The following METTL15 variants were observed in gnomAD, a reference collection of about 807,000 sequenced individuals.
METTL15 encodes 12S rRNA N(4)-cytidine methyltransferase METTL15.
A neutral mutation model predicts 38.3 loss-of-function variants in METTL15; 34 were observed. That is an observed-to-expected ratio of 0.89 (90% confidence interval 0.68 to 1.18). The LOEUF (loss-of-function observed/expected upper bound fraction) is 1.18, where lower values mean the gene tolerates loss of function less well. METTL15 is among the 50% of genes most tolerant of loss of function. The pLI, the probability that METTL15 is intolerant of heterozygous loss-of-function variation, is 0.00. For synonymous variants in METTL15, 162 were observed against 170.9 expected (o/e 0.95, Z 0.41); for missense variants, 438 against 498.4 (o/e 0.88, Z 1.15).
In METTL15 at chr11:28,384,423, T is replaced by C. The variant is rs537769201; in HGVS notation, c.*358+22387T>C. On this transcript the variant is annotated intron_variant and NMD_transcript_variant, in intron 5 of 7. Transcript: ENST00000532947. ...TCCCAGGTTCAAGCGATTCTCATGC[T>C]TCAGCCTCCCAAGTAGCTGGGATTA... 5.9e-5 allele frequency among the ~76,000 whole-genome samples: 9 copies of C among 151,992 alleles called. No individual in the cohort carries two copies. In the East Asian group the frequency reaches 1.4e-3, roughly 23 times the overall value.
chr11:28,254,122 T>C (rs1854869482), intron 4 of METTL15, among the ~76,000 whole-genome samples: 1 of 152,214 alleles, frequency 6.6e-6, no homozygotes, highest in South Asian at 2.1e-4. Flanking sequence ...TTCCCTTTTC[T>C]CTACATTCTA....
At chr11:28,392,460 A>G (rs1850519824) in intron 5 of METTL15, among the ~76,000 whole-genome samples, 1 of 152,108 alleles carries the variant, frequency 6.6e-6, no homozygotes, top group Non-Finnish European at 1.5e-5. Flanking sequence ...ATCTTAAACA[A>G]GGGTGCCAAG....
At position 28,385,321 on chromosome 11, in the gene METTL15, A is replaced by G. The variant is rs1231328639; in HGVS notation, c.*358+23285A>G. Among the ~76,000 whole-genome samples the G allele has an allele frequency of 3.9e-5, 6 of 152,230 alleles. No individual in the cohort carries two copies. The East Asian group carries it at 9.6e-4, about 24-fold the overall frequency. On this transcript the variant is annotated intron_variant and NMD_transcript_variant, in intron 5 of 7. Transcript: ENST00000532947. Reference sequence around the variant, plus strand: ...ATGCATCTTGAGTTGGTTTTTGTATATGGTGTAAGAAGGGATCCAGTTTCA... The same window carrying G: ...ATGCATCTTGAGTTGGTTTTTGTATGTGGTGTAAGAAGGGATCCAGTTTCA...
chr11:28,531,050 C>A (rs1052671620), downstream of METTL15, among the ~76,000 whole-genome samples: 2 of 151,874 alleles, frequency 1.3e-5, no homozygotes, highest in South Asian at 4.2e-4. Flanking sequence ...AAATTCACAA[C>A]TGAAATTGCT....
intron 6 of METTL15, among the ~76,000 whole-genome samples, chr11:28,524,344 C>T (rs1357783114): frequency 6.6e-6 from 1 of 152,174 alleles, no homozygotes; most frequent in Non-Finnish European, 1.5e-5. Flanking sequence ...TCTATGACTT[C>T]ACTGGTCTCA....
chr11:28,362,975 T>C (rs1295930968), intron 5 of METTL15, among the ~76,000 whole-genome samples: 2 of 152,176 alleles, frequency 1.3e-5, no homozygotes, highest in East Asian at 1.9e-4. Flanking sequence ...TTCTCACCAA[T>C]GTAGTATAAA....
chr11:28,112,175 G>A (rs1429533842), intron 2 of METTL15, among the ~76,000 whole-genome samples: 1 of 152,056 alleles, frequency 6.6e-6, no homozygotes, highest in Non-Finnish European at 1.5e-5. Context: ...TGGGATTTAT[G>A]CTTCTTGTAG....
chr11:28,161,546 A>G (rs562358020), intron 3 of METTL15, among the ~76,000 whole-genome samples: 1 of 152,310 alleles, frequency 6.6e-6, no homozygotes, highest in Non-Finnish European at 1.5e-5. Context: ...ATTTAAGCAA[A>G]AGGGAAATAA....
chr11:28,347,498 C>G (rs1850005999), intron 3 of METTL15, among the ~76,000 whole-genome samples: 1 of 152,304 alleles, frequency 6.6e-6, no homozygotes, highest in Middle Eastern at 3.4e-3. Flanking sequence ...CTAATAAACT[C>G]CTTCTGTATT....
intron 6 of METTL15, among the ~76,000 whole-genome samples, chr11:28,462,687 G>A (rs1851226173): frequency 6.6e-6 from 1 of 151,918 alleles, no homozygotes; most frequent in Non-Finnish European, 1.5e-5. Context: ...AAGACCAGTG[G>A]GATAGCATCT....
chr11:28,488,241 G>A lies in METTL15; in HGVS notation c.*425-38237G>A, dbSNP rs563489345. Among the ~76,000 whole-genome samples, 3 of 152,058 alleles carry A rather than the reference G, an allele frequency of 2.0e-5. No individual in the cohort carries two copies. In the East Asian group the frequency reaches 5.8e-4, roughly 29 times the overall value. On this transcript the variant is annotated intron_variant and NMD_transcript_variant, in intron 6 of 7. Transcript: ENST00000532947. ...CTCTATTTTAAAATTTTGGCTTTGA[G>A]AATAGAAGTTTAAAATTAAGCACAC...
At chr11:28,117,779 A>C (rs1185210252) in intron 3 of METTL15, among the ~76,000 whole-genome samples, 1 of 152,124 alleles carries the variant, frequency 6.6e-6, no homozygotes, top group East Asian at 1.9e-4. Flanking sequence ...CTATTCCCTT[A>C]ATCTTCAAGT....
intron 4 of METTL15, among the ~76,000 whole-genome samples, chr11:28,212,925 A>G (rs1281879821): frequency 6.6e-6 from 1 of 152,180 alleles, no homozygotes; most frequent in Non-Finnish European, 1.5e-5. Context: ...TCTCAAATGT[A>G]GCTTAAAGTT....
chr11:28,119,990 C>T (rs1235672623), intron 3 of METTL15, among the ~76,000 whole-genome samples: 1 of 152,100 alleles, frequency 6.6e-6, no homozygotes, highest in South Asian at 2.1e-4. Flanking sequence ...CTCACTCTGT[C>T]GCCCAGGCTG....
chr11:28,380,937 C>T (rs1850376844), intron 5 of METTL15, among the ~76,000 whole-genome samples: 1 of 151,706 alleles, frequency 6.6e-6, no homozygotes, highest in Admixed American at 6.6e-5. Context: ...AAATTGGATT[C>T]CATCATATCT....
intron 5 of METTL15, among the ~76,000 whole-genome samples, chr11:28,423,005 A>G (rs545079005): frequency 1.3e-5 from 2 of 152,188 alleles, no homozygotes; most frequent in South Asian, 2.1e-4. Flanking sequence ...TATAGGGGAA[A>G]AAAAACAATA....
intron 5 of METTL15, among the ~76,000 whole-genome samples, chr11:28,421,232 G>A (rs1347707632): frequency 3.3e-5 from 5 of 151,822 alleles, no homozygotes; most frequent in Non-Finnish European, 1.5e-5. Context: ...ACATCTCCCA[G>A]CAGAAAAAAG....
intron 6 of METTL15, among the ~76,000 whole-genome samples, chr11:28,437,140 C>T (rs753977520): frequency 1.3e-5 from 2 of 152,158 alleles, no homozygotes; most frequent in Non-Finnish European, 2.9e-5. Context: ...AGACTGAGGG[C>T]TGCACTATCA....
intron 3 of METTL15, chr11:28,125,759 TGTTAA>T (rs978190282): frequency 6.6e-6 from 1 of 152,118 alleles, no homozygotes; most frequent in Admixed American, 6.6e-5. Context: ...GTAACTGTTT[TGTTAA>T]GTTCTTTTTT....
Sources: allele counts gnomAD v4.1 joint callset (sites outside exome capture counted in the v4.1 genomes callset), GRCh38; gene constraint gnomAD v4.1.1; transcripts MANE v1.5; gene names NCBI Gene and HGNC (gene_info 2026-07-23, HGNC 2026-07-21).